The following SV2C variants were observed in gnomAD, a reference collection of about 807,000 sequenced individuals.
SV2C encodes the protein synaptic vesicle glycoprotein 2C.
In SV2C, 49 loss-of-function variants were observed where a neutral mutation model predicts 79.7. The observed-to-expected ratio is 0.61, with a 90% confidence interval of 0.49 to 0.78. The LOEUF (loss-of-function observed/expected upper bound fraction) is 0.78. SV2C is among the 30% of genes least tolerant of loss of function. SV2C has a pLI of 0.00. For missense variants in SV2C, 833 were observed against 912.9 expected, an observed-to-expected ratio of 0.91 and a Z score of 1.13; for synonymous variants, 334 against 333.2, an observed-to-expected ratio of 1.00 and a Z score of -0.03.
chr5:76,252,359 G>A (rs1448505471), intron 4 of SV2C, among the ~76,000 whole-genome samples: 15 of 152,162 alleles, frequency 9.9e-5, no homozygotes, highest in Admixed American at 9.8e-4. Flanking sequence ...GACCTCAGGT[G>A]ATCCTACCCG....
the SV2C span, among the ~76,000 whole-genome samples, chr5:76,041,879 C>T: frequency 1.4e-4 from 21 of 152,158 alleles, no homozygotes; most frequent in Non-Finnish European, 2.8e-4. Context: ...CACAGGACTT[C>T]GAGTTTATTC....
intron 1 of SV2C, among the ~76,000 whole-genome samples, chr5:76,126,052 A>T (rs1426172701): frequency 6.6e-6 from 1 of 152,114 alleles, no homozygotes; most frequent in Non-Finnish European, 1.5e-5. Context: ...GCCCTGTCTC[A>T]AAAAACAAAC....
At chr5:76,044,785 G>C in the SV2C span, among the ~76,000 whole-genome samples, 2 of 152,020 alleles carry the variant, frequency 1.3e-5, no homozygotes, top group African/African-American at 2.4e-5. Flanking sequence ...TTGTAAATTT[G>C]TTTAAGTTCC....
intron 4 of SV2C, among the ~76,000 whole-genome samples, chr5:76,240,595 T>C (rs1042598647): frequency 1.3e-5 from 2 of 152,206 alleles, no homozygotes; most frequent in East Asian, 1.9e-4. Flanking sequence ...CCAAGTGGGA[T>C]TGAGTCCCTC....
At chr5:76,349,048 T>C (rs1181228399) in intron 12 of SV2C, among the ~76,000 whole-genome samples, 1 of 152,102 alleles carries the variant, frequency 6.6e-6, no homozygotes, top group African/African-American at 2.4e-5. Flanking sequence ...CCTGGGTCCA[T>C]TTCCATACTC....
chr5:76,238,469 T>C (rs1745685667), intron 4 of SV2C, among the ~76,000 whole-genome samples: 1 of 152,074 alleles, frequency 6.6e-6, no homozygotes. Context: ...CCTTCTGAGT[T>C]TCTTTTTTTC....
At chr5:76,239,086 TC>T (rs60031146) in intron 4 of SV2C, among the ~76,000 whole-genome samples, 10,676 of 151,862 alleles carry the variant, frequency 0.07, 1,213 homozygotes, top group African/African-American at 0.24. Flanking sequence ...TAAATAGTCT[TC>T]CCCCCCACTT....
At chr5:76,248,965 G>A (rs1228128320) in intron 4 of SV2C, among the ~76,000 whole-genome samples, 1 of 152,186 alleles carries the variant, frequency 6.6e-6, no homozygotes, top group African/African-American at 2.4e-5. Context: ...TTAGCCAGAA[G>A]TTCCTGTGTT....
In SV2C at chr5:76,201,994, C is replaced by T. The variant is rs550757971; in HGVS notation, c.761+6895C>T. 2.3e-4 allele frequency among the ~76,000 whole-genome samples: 29 copies of T among 123,700 alleles called. No individual in the cohort carries two copies. In the South Asian group the frequency reaches 4.6e-3, roughly 20 times the overall value. The allele number at this position is 123,700 out of a possible 152,430, so 81.2% of individuals were successfully genotyped here. On this transcript the variant is annotated intron_variant, in intron 3 of 12. Coordinates refer to ENST00000502798, the MANE Select transcript of SV2C (RefSeq NM_014979.4). ...TCGCGCCACTGCACTCCAGCCTGGG[C>T]GACAGAGCGAGACTCCATCTCAAAA...
At chr5:76,075,753 C>T in the SV2C span, 45 of 322,314 alleles carry the variant, frequency 1.4e-4, no homozygotes, top group East Asian at 1.5e-3. Flanking sequence ...TTTTATGGAT[C>T]TTAAAAGACA....
At chr5:76,062,735 T>C in the SV2C span, among the ~76,000 whole-genome samples, 5 of 152,156 alleles carry the variant, frequency 3.3e-5, no homozygotes, top group African/African-American at 9.7e-5. Flanking sequence ...AGGCTCTTTA[T>C]TGTAACCATG....
chr5:76,311,293 A>ATGAT (rs1404713939), intron 12 of SV2C: 2 of 152,348 alleles, frequency 1.3e-5, no homozygotes, highest in African/African-American at 4.8e-5. Flanking sequence ...GTCTGCCACA[A>ATGAT]TGATTGAGAT....
intron 2 of SV2C, among the ~76,000 whole-genome samples, chr5:76,165,307 AT>A (rs1743013595): frequency 6.6e-6 from 1 of 152,210 alleles, no homozygotes; most frequent in South Asian, 2.1e-4. Context: ...ATTAACTCAA[AT>A]ACAGACTTTA....
chr5:76,249,828 C>T (rs757351889), intron 4 of SV2C, among the ~76,000 whole-genome samples: 9 of 152,096 alleles, frequency 5.9e-5, no homozygotes, highest in Non-Finnish European at 1.0e-4. Flanking sequence ...GAGACCCAAT[C>T]GAAGACTCTG....
At chr5:75,939,932 C>A in the SV2C span, among the ~76,000 whole-genome samples, 1 of 152,106 alleles carries the variant, frequency 6.6e-6, no homozygotes, top group Non-Finnish European at 1.5e-5. Context: ...TTCCAGCAAC[C>A]CTTCCCTTGC....
At chr5:76,032,260 A>C in the SV2C span, among the ~76,000 whole-genome samples, 1 of 150,974 alleles carries the variant, frequency 6.6e-6, no homozygotes, top group Non-Finnish European at 1.5e-5. Flanking sequence ...TTTTTTTATT[A>C]TTATTATACT....
At chr5:76,191,143 A>G (rs897613604) in intron 2 of SV2C, among the ~76,000 whole-genome samples, 1 of 152,176 alleles carries the variant, frequency 6.6e-6, no homozygotes, top group African/African-American at 2.4e-5. Flanking sequence ...GGAAGCAGGC[A>G]TGTCTTACAT....
At chr5:76,313,434 G>T (rs1223962298) in intron 12 of SV2C, among the ~76,000 whole-genome samples, 2 of 152,170 alleles carry the variant, frequency 1.3e-5, no homozygotes, top group Non-Finnish European at 2.9e-5. Context: ...AGAGGGTGAA[G>T]GGGGTGGGGA....
the SV2C span, among the ~76,000 whole-genome samples, chr5:75,952,866 A>G: frequency 6.6e-6 from 1 of 151,960 alleles, no homozygotes; most frequent in African/African-American, 2.4e-5. Flanking sequence ...AGCATCTATT[A>G]TTATAATGCC....
Sources: gnomAD v4.1 joint callset for allele counts (sites outside exome capture counted in the v4.1 genomes callset) on GRCh38, gnomAD v4.1.1 for gene constraint, MANE v1.5 for transcripts, NCBI Gene and HGNC (gene_info 2026-07-23, HGNC 2026-07-21) for gene names.